STRN: variants seen among roughly 807,000 people sequenced by gnomAD.
STRN encodes the protein striatin.
Under a neutral mutation model 96.3 loss-of-function variants are expected in STRN, and 53 were observed. The ratio of observed to expected loss-of-function variants is 0.55; its 90% CI spans 0.44 to 0.69. The LOEUF (loss-of-function observed/expected upper bound fraction) is 0.69. Ranked by LOEUF, STRN falls within the 30% of genes least tolerant of loss-of-function variation. The pLI is 0.00. For missense variants in STRN, 987 were observed against 963.9 expected (o/e 1.02, Z -0.32); for synonymous variants, 428 against 355.9 (o/e 1.20, Z -2.28).
intron 8 of STRN, among the ~76,000 whole-genome samples, 196 bp downstream of exon 8, chr2:36,886,520 T>C (rs779465263): frequency 1.4e-4 from 21 of 152,204 alleles, no homozygotes; most frequent in Non-Finnish European, 2.9e-4. Context: ...CATAAGTACA[T>C]GTGGGTTGTT....
chr2:36,905,584 T>C lies in STRN; in HGVS notation c.447A>G (p.Gln149=). 1 of 1,613,420 alleles carries C rather than the reference T, an allele frequency of 6.2e-7. No individual in the cohort carries two copies. The highest frequency in any genetic ancestry group is 2.2e-5 in the East Asian group (1 of 44,814). ...CTTGTTTCCACATTAACTGGCTGTT[T>C]TGTTGTGGCTGCACTTCTGTTTCAT... ...EGNETEVQPQ[Q]NSQLMWKQGR... Residue 149 remains glutamine (Q), a synonymous_variant, in exon 4 of 18, where the codon CAA becomes CAG. Transcript: ENST00000263918.
intron 9 of STRN, 91 bp from the exon 10 acceptor site, chr2:36,878,118 C>A: frequency 7.4e-7 from 1 of 1,354,096 alleles, no homozygotes; most frequent in Non-Finnish European, 1.0e-6. Context: ...TATAAGTGCA[C>A]GTATATACTT....
chr2:36,909,854 A>G (rs936498554), intron 3 of STRN, among the ~76,000 whole-genome samples: 1 of 152,084 alleles, frequency 6.6e-6, no homozygotes, highest in Non-Finnish European at 1.5e-5. Flanking sequence ...ATATCTCATC[A>G]GAAATAATGC....
At chr2:36,894,368 T>C (rs1669484848) in intron 6 of STRN, among the ~76,000 whole-genome samples, 1 of 152,220 alleles carries the variant, frequency 6.6e-6, no homozygotes, top group Non-Finnish European at 1.5e-5. Context: ...TTTTCTCTAG[T>C]AGCTCTCCAT....
chr2:36,938,917 C>T (rs1236767441), intron 1 of STRN, among the ~76,000 whole-genome samples: 1 of 151,038 alleles, frequency 6.6e-6, no homozygotes, highest in African/African-American at 2.4e-5. Context: ...CTTTGTTTTT[C>T]TAAACTAAAA....
chr2:36,845,855 T>C lies in STRN; in HGVS notation c.*3601A>G, dbSNP rs1393642115. 1 of 146,912 alleles carries C rather than the reference T, an allele frequency of 6.8e-6. No individual in the cohort carries two copies. The highest frequency in any genetic ancestry group is 2.5e-5 in the African/African-American group (1 of 39,758). The allele number at this position is 146,912 out of a possible 1,614,324, so 9.1% of individuals were successfully genotyped here. ...AGATACATTAAAAAGACATTGATGG[T>C]CACAAATCAGGACCTTCACAGATTG... On this transcript the variant is annotated 3_prime_UTR_variant, in exon 18 of 18. Transcript: ENST00000263918.
At chr2:36,877,822 A>G in intron 10 of STRN, 69 bp downstream of exon 10, 1 of 1,579,248 alleles carries the variant, frequency 6.3e-7, no homozygotes, top group Non-Finnish European at 8.6e-7. Context: ...GGCGTGAGCC[A>G]CCGCACCCAG....
rs886339822 is a variant in STRN at position 36,854,920 on chromosome 2, G to C, written c.1978+292C>G. ...AATGAAAAATAGAATTTCCTATTCA[G>C]AATAAATATGGCTTTCTTCAAATAG... On this transcript the variant is annotated intron_variant, in intron 15 of 17. Coordinates refer to ENST00000263918, the MANE Select transcript of STRN (RefSeq NM_003162.4). 5.3e-5 allele frequency among the ~76,000 whole-genome samples: 8 copies of C among 152,060 alleles called. No homozygotes were observed. In the East Asian group the frequency reaches 5.8e-4, roughly 11 times the overall value.
chr2:36,946,239 A>G (rs1670978507), intron 1 of STRN, among the ~76,000 whole-genome samples: 1 of 152,080 alleles, frequency 6.6e-6, no homozygotes. Context: ...TTTCCAGTTG[A>G]TTTTTTTCTA....
intron 3 of STRN, 28 bp downstream of exon 3, chr2:36,916,050 A>C (rs746642328): frequency 1.3e-6 from 2 of 1,582,752 alleles, no homozygotes; most frequent in East Asian, 4.5e-5. Context: ...TCTTTTTAAC[A>C]CTTAAACTTC....
chr2:36,913,214 A>T (rs1670008147), intron 3 of STRN, among the ~76,000 whole-genome samples: 1 of 152,084 alleles, frequency 6.6e-6, no homozygotes, highest in Non-Finnish European at 1.5e-5. Context: ...CCTAATTAAG[A>T]TCCTTCAAAT....
chr2:36,886,782 G>T lies in STRN; in HGVS notation c.976C>A (p.Gln326Lys). 1 of 1,613,046 alleles carries T rather than the reference G, an allele frequency of 6.2e-7. No homozygotes were observed. The highest frequency in any genetic ancestry group is 8.5e-7 in the Non-Finnish European group (1 of 1,179,564). ...TCCTTGAGTTTGGTAATTACTCCCTGGTCCACATTCCAGGCTTCAGGCATG... is the reference window on the plus strand; with the variant it reads ...TCCTTGAGTTTGGTAATTACTCCCTTGTCCACATTCCAGGCTTCAGGCATG... The part of the protein sequence containing the change: ...CLMPEAWNVD[Q>K]GVITKLKEQY... Residue 326 changes from glutamine to lysine, a missense_variant, in exon 8 of 18, where the codon CAG becomes AAG. Transcript: ENST00000263918.
intron 9 of STRN, among the ~76,000 whole-genome samples, chr2:36,879,338 G>A (rs1669006855): frequency 6.6e-6 from 1 of 152,208 alleles, no homozygotes; most frequent in Non-Finnish European, 1.5e-5. Flanking sequence ...CCAAAGTGCT[G>A]GGGATACAGG....
chr2:36,930,327 G>A (rs1324896165), intron 1 of STRN, among the ~76,000 whole-genome samples: 1 of 151,900 alleles, frequency 6.6e-6, no homozygotes, highest in Non-Finnish European at 1.5e-5. Context: ...AGCTACTCAG[G>A]AGGCTGAGAC....
At chr2:36,864,523 T>A (rs1219052970) in intron 12 of STRN, among the ~76,000 whole-genome samples, 1 of 152,202 alleles carries the variant, frequency 6.6e-6, no homozygotes, top group Non-Finnish European at 1.5e-5. Flanking sequence ...TTGTGGTGGA[T>A]TAGCTTTTTG....
intron 10 of STRN, among the ~76,000 whole-genome samples, chr2:36,875,266 C>G (rs937024645): frequency 1.3e-5 from 2 of 152,014 alleles, no homozygotes; most frequent in African/African-American, 4.8e-5. Flanking sequence ...TCCCAGCACT[C>G]TGTGAGGCTG....
chr2:36,860,272 C>T (rs1021494217), intron 13 of STRN, among the ~76,000 whole-genome samples: 1 of 152,056 alleles, frequency 6.6e-6, no homozygotes, highest in Admixed American at 6.6e-5. Flanking sequence ...GAAGGACTGG[C>T]CTAGGACAGA....
chr2:36,926,169 G>A (rs62132553), intron 1 of STRN, among the ~76,000 whole-genome samples: 3 of 152,050 alleles, frequency 2.0e-5, no homozygotes, highest in East Asian at 1.9e-4. Context: ...AACATGAAAC[G>A]AACTGTAAAC....
Position 36,841,826 on chromosome 2 carries a change from C to CAATG in STRN, c.*7626_*7629dup, listed in dbSNP as rs199893217. On this transcript the variant is annotated 3_prime_UTR_variant, in exon 18 of 18. Coordinates refer to ENST00000263918, the MANE Select transcript of STRN (RefSeq NM_003162.4). ...AATATTTAATTTAGATAACAAGGAC[C>CAATG]AATGACAAGCCAGAATTGGAACCAT... 35 of 152,228 alleles carry CAATG rather than the reference C, an allele frequency of 2.3e-4. No homozygotes were observed. In the East Asian group the frequency reaches 6.4e-3, roughly 28 times the overall value. 9.4% of individuals were successfully genotyped at this position (152,228 alleles called of 1,614,324 possible). A position where few individuals can be genotyped will look rare whatever the true frequency, so the allele number is the denominator to read the frequency against.
Sources: allele counts gnomAD v4.1 joint callset (sites outside exome capture counted in the v4.1 genomes callset), GRCh38; gene constraint gnomAD v4.1.1; transcripts MANE v1.5; gene names NCBI Gene and HGNC (gene_info 2026-07-23, HGNC 2026-07-21).